ATP6AP1: variants seen among roughly 807,000 people sequenced by gnomAD.
The protein encoded by ATP6AP1 is ATPase H+ transporting accessory protein 1, also known as V-type proton ATPase subunit S1.
Under a neutral mutation model 32.0 loss-of-function variants are expected in ATP6AP1, and 1 was observed. The ratio of observed to expected loss-of-function variants is 0.03; its 90% CI spans 0.01 to 0.15. The LOEUF is 0.15. Among genes scored for constraint, ATP6AP1 ranks in the 10% least tolerant of loss-of-function variants. ATP6AP1 has a pLI of 1.00. For missense variants in ATP6AP1, 297 were observed against 398.8 expected, an observed-to-expected ratio of 0.74 and a Z score of 2.17; for synonymous variants, 187 against 174.9, an observed-to-expected ratio of 1.07 and a Z score of -0.55.
Position 154,428,756 on chromosome X carries a change from C to A in ATP6AP1, c.64C>A (p.Arg22Ser). Reference protein sequence around the residue: ...MGPRCAQALWRMPWLPVFLSL... With the variant: ...MGPRCAQALWSMPWLPVFLSL... ...GCCGCGGTGCGCCCAGGCGCTCTGG[C>A]GCATGCCGTGGCTGCCGGTGTTTTT... Residue 22 changes from arginine (R) to serine (S), a missense_variant, in exon 1 of 10, where the codon CGC becomes AGC. Around this residue, in one of 2 missense-constraint regions of ATP6AP1, gnomAD observed 142 missense variants for 145.0 expected, o/e 0.98. Transcript: ENST00000369762. 3 of 1,137,347 alleles carry A rather than the reference C, an allele frequency of 2.6e-6. No homozygotes were observed. The highest frequency in any genetic ancestry group is 3.5e-6 in the Non-Finnish European group (3 of 864,810). The allele number at this position is 1,137,347 out of a possible 1,213,427, so 93.7% of individuals were successfully genotyped here. A position where few individuals can be genotyped will look rare whatever the true frequency, so the allele number is the denominator to read the frequency against.
Position 154,429,054 on chromosome X carries a change from G to A in ATP6AP1, c.168G>A (p.Leu56=), listed in dbSNP as rs1557196356. 1 of 1,211,678 alleles carries A rather than the reference G, an allele frequency of 8.3e-7. No individual in the cohort carries two copies. Among genetic ancestry groups the A allele is most frequent in the South Asian group, 1.8e-5 (1 of 56,964 alleles). The change falls in exon 2 of 10, where the codon TTG becomes TTA. Residue 56 remains leucine (L), a synonymous_variant. Coordinates refer to ENST00000369762, the MANE Select transcript of ATP6AP1 (RefSeq NM_001183.6). ...PLVLWSSDRD[L]WAPAADTHEG... ...CTCTTCTGTGCCCTGCCAGGGACTT[G>A]TGGGCTCCTGCGGCCGACACTCATG...
Position 154,435,562 on chromosome X carries a change from G to C in ATP6AP1, c.1203+57G>C. ...GGGGAGCCCAGGCTAGTGGTTGAGA[G>C]ACGAAGAGAGGCTTGGGCTTGGGCA... On this transcript the variant is annotated intron_variant, in intron 9 of 9. Transcript: ENST00000369762. 2.5e-6 allele frequency: 3 copies of C among 1,185,276 alleles called. No individual in the cohort carries two copies. In the Admixed American group the frequency reaches 6.5e-5, roughly 26 times the overall value.
chrX:154,429,430 G>A (rs1557196445), intron 2 of ATP6AP1: 2 of 343,804 alleles, frequency 5.8e-6, no homozygotes, highest in Admixed American at 5.2e-5. Context: ...AAGCACTTTG[G>A]ATATCTGACT....
At chrX:154,433,765 C>CA in intron 6 of ATP6AP1, 45 bp downstream of exon 6, 1 of 1,162,523 alleles carries the variant, frequency 8.6e-7, no homozygotes, top group Admixed American at 2.2e-5. Context: ...CAGGGAGAGG[C>CA]AGTGTGGTGA....
rs1557196304 is a variant in ATP6AP1 at position 154,428,845 on chromosome X, G to T, written c.153G>T (p.Ser51=). 9.2e-7 allele frequency: 1 copy of T among 1,092,149 alleles called. No homozygotes were observed. The allele number at this position is 1,092,149 out of a possible 1,213,427, so 90.0% of individuals were successfully genotyped here. A position where few individuals can be genotyped will look rare whatever the true frequency, so the allele number is the denominator to read the frequency against. The change falls in exon 1 of 10, where the codon TCG becomes TCT. Residue 51 remains serine (S), a synonymous_variant. Transcript: ENST00000369762. ...AEQQVPLVLW[S]SDRDLWAPAA... ...AGCAGGTCCCGCTGGTGCTGTGGTC[G>T]AGTGACCGGTGAGCGGGCCGGGGTG...
chrX:154,432,891 G>A (rs982668225), intron 4 of ATP6AP1, 40 bp from the exon 5 acceptor site: 6 of 1,207,817 alleles, frequency 5.0e-6, no homozygotes, highest in Non-Finnish European at 6.7e-6. Context: ...TGCAGGTCCA[G>A]GCCGCCTGAG....
chrX:154,431,755 G>T lies in ATP6AP1; in HGVS notation c.289-75G>T, dbSNP rs2068694656. 5.9e-6 allele frequency: 6 copies of T among 1,019,979 alleles called. No individual in the cohort carries two copies. In the South Asian group the frequency reaches 1.2e-4, roughly 20 times the overall value. The allele number at this position is 1,019,979 out of a possible 1,213,427, so 84.1% of individuals were successfully genotyped here. On this transcript the variant is annotated intron_variant, in intron 2 of 9. Transcript: ENST00000369762. ...TTTGCTGGCCCTGAGAATGCACGGG[G>T]AAGGTGGCTGTCCCCTGCCTTGGCC...
chrX:154,429,048 G>A lies in ATP6AP1; in HGVS notation c.162G>A (p.Arg54=). 8.3e-7 allele frequency: 1 copy of A among 1,211,478 alleles called. No homozygotes were observed. The highest frequency in any genetic ancestry group is 1.1e-6 in the Non-Finnish European group (1 of 895,267). ...QVPLVLWSSD[R]DLWAPAADTH... ...CAGCACCTCTTCTGTGCCCTGCCAG[G>A]GACTTGTGGGCTCCTGCGGCCGACA... The change falls in exon 2 of 10, where the codon CGG becomes CGA. Residue 54 remains arginine (R), a splice_region_variant and synonymous_variant. Transcript: ENST00000369762.
rs1353891778 is a variant in ATP6AP1, at chrX:154,428,752, C to T, written c.60C>T (p.Leu20=). ...TGGGGCCGCGGTGCGCCCAGGCGCT[C>T]TGGCGCATGCCGTGGCTGCCGGTGT... ...VRMGPRCAQA[L]WRMPWLPVFL... is the part of the protein sequence containing the mutation. Residue 20 remains leucine, a synonymous_variant, in exon 1 of 10, where the codon CTC becomes CTT. Coordinates refer to ENST00000369762, the MANE Select transcript of ATP6AP1 (RefSeq NM_001183.6). The T allele has an allele frequency of 8.8e-6, 10 of 1,137,622 alleles. No homozygotes were observed. The African/African-American group carries it at 1.9e-4, about 22-fold the overall frequency. 93.8% of individuals were successfully genotyped at this position (1,137,622 alleles called of 1,213,427 possible).
At position 154,434,442 on chromosome X, in the gene ATP6AP1, G is replaced by T. The variant is rs370314083; in HGVS notation, c.919G>T (p.Ala307Ser). 1.7e-6 allele frequency: 2 copies of T among 1,206,748 alleles called. No individual in the cohort carries two copies. The highest frequency in any genetic ancestry group is 3.5e-5 in the African/African-American group (2 of 57,231). The change falls in exon 7 of 10, where the codon GCC becomes TCC. Residue 307 changes from alanine to serine, a missense_variant. Coordinates refer to ENST00000369762, the MANE Select transcript of ATP6AP1 (RefSeq NM_001183.6). ...LTGSFWNDSF[A>S]RLSLTYERLF... ...TGGCTCCTTCTGGAATGACTCCTTT[G>T]CCAGGCAAGGGCACTAGGCTGGGGA...
intron 1 of ATP6AP1, 39 bp from the exon 2 acceptor site, chrX:154,429,009 G>A (rs201156124): frequency 6.8e-5 from 81 of 1,199,430 alleles, no homozygotes; most frequent in Admixed American, 2.0e-4. Context: ...CAGTCCACAT[G>A]CGCCCCCGTC....
In ATP6AP1 at chrX:154,431,865, G is replaced by C; in HGVS notation, c.324G>C (p.Val108=). ...SIEDFTAYGG[V]FGNKQDSAFS... is the part of the protein sequence containing the mutation. ...AGGATTTCACAGCATATGGCGGTGT[G>C]TTTGGAAACAAGCAGGACAGCGCCT... The change falls in exon 3 of 10, where the codon GTG becomes GTC. Residue 108 remains valine, a synonymous_variant. Transcript: ENST00000369762. 2.5e-6 allele frequency: 3 copies of C among 1,211,875 alleles called. No homozygotes were observed. Among genetic ancestry groups the C allele is most frequent in the African/African-American group, 1.7e-5 (1 of 57,805 alleles).
At position 154,436,226 on chromosome X, in the gene ATP6AP1, T is replaced by G. The variant is rs947274861; in HGVS notation, c.*335T>G. The stretch of plus-strand genomic sequence containing the variant: ...TCCCTGGCTGTGGATAGTGCTTTTG[T>G]GTAGCAAATGCTCCCTCCTTAAGGT... On this transcript the variant is annotated 3_prime_UTR_variant, in exon 10 of 10. Transcript: ENST00000369762. The G allele has an allele frequency of 1.1e-4, 29 of 275,269 alleles. No homozygotes were observed. Among genetic ancestry groups the G allele is most frequent in the African/African-American group, 6.2e-4 (23 of 36,932 alleles). The allele number at this position is 275,269 out of a possible 1,213,427, so 22.7% of individuals were successfully genotyped here. A position where few individuals can be genotyped will look rare whatever the true frequency, so the allele number is the denominator to read the frequency against.
rs147480752 is a variant in ATP6AP1 at position 154,434,759 on chromosome X, G to A, written c.923+313G>A. Among the ~76,000 whole-genome samples the A allele has an allele frequency of 5.1e-3, 576 of 111,936 alleles. 5 individuals carry two copies. The highest frequency in any genetic ancestry group is 0.017 in the African/African-American group (521 of 30,777). On this transcript the variant is annotated intron_variant, in intron 7 of 9. Transcript: ENST00000369762. Reference sequence around the variant, plus strand: ...GCAAAACCTCTGGGACTTTGTGTGGGCAAATACCAGGCCAGCTATCTGAGC... The same window carrying A: ...GCAAAACCTCTGGGACTTTGTGTGGACAAATACCAGGCCAGCTATCTGAGC...
At position 154,428,731 on chromosome X, in the gene ATP6AP1, G is replaced by T; in HGVS notation, c.39G>T (p.Gly13=). 8.7e-7 allele frequency: 1 copy of T among 1,148,279 alleles called. No homozygotes were observed. The allele number at this position is 1,148,279 out of a possible 1,213,427, so 94.6% of individuals were successfully genotyped here. A position where few individuals can be genotyped will look rare whatever the true frequency, so the allele number is the denominator to read the frequency against. The change falls in exon 1 of 10, where the codon GGG becomes GGT. Residue 13 remains glycine, a synonymous_variant. Coordinates refer to ENST00000369762, the MANE Select transcript of ATP6AP1 (RefSeq NM_001183.6). Reference sequence around the variant, plus strand: ...TGGCGACGGCTCGAGTGCGGATGGGGCCGCGGTGCGCCCAGGCGCTCTGGC... The same window carrying T: ...TGGCGACGGCTCGAGTGCGGATGGGTCCGCGGTGCGCCCAGGCGCTCTGGC... ...AAMATARVRM[G]PRCAQALWRM...
intron 4 of ATP6AP1, 26 bp downstream of exon 4, chrX:154,432,485 A>G (rs1557196997): frequency 8.7e-7 from 1 of 1,150,366 alleles, no homozygotes. Context: ...CCCAGCCACC[A>G]GCCTCGGGGC....
chrX:154,432,205 G>T, intron 3 of ATP6AP1, 61 bp from the exon 4 acceptor site: 1 of 1,060,999 alleles, frequency 9.4e-7, no homozygotes, highest in East Asian at 3.1e-5. Flanking sequence ...GAGGTGTGGG[G>T]GGCTGGGCCA....
intron 7 of ATP6AP1, 76 bp from the exon 8 acceptor site, chrX:154,435,063 C>G (rs2068711793): frequency 9.1e-7 from 1 of 1,103,300 alleles, no homozygotes; most frequent in Non-Finnish European, 1.2e-6. Flanking sequence ...AGGAGCAGAG[C>G]TGAGGAACTT....
chrX:154,436,363 T>C lies in ATP6AP1; in HGVS notation c.*472T>C, dbSNP rs782757970. 35 of 118,686 alleles carry C rather than the reference T, an allele frequency of 2.9e-4. No individual in the cohort carries two copies. Among genetic ancestry groups the C allele is most frequent in the Non-Finnish European group, 5.2e-4 (30 of 57,862 alleles). The allele number at this position is 118,686 out of a possible 1,213,427, so 9.8% of individuals were successfully genotyped here. A position where few individuals can be genotyped will look rare whatever the true frequency, so the allele number is the denominator to read the frequency against. On this transcript the variant is annotated 3_prime_UTR_variant, in exon 10 of 10. Transcript: ENST00000369762. ...GTGCTAACAATAAGAAGTACACGGG[T>C]TTATTTCTGTGGCCTGAGAAGGAAG...
Sources: gnomAD v4.1 joint callset for allele counts (sites outside exome capture counted in the v4.1 genomes callset) on GRCh38, gnomAD v4.1.1 for gene constraint, gnomAD v4.1.1 regional missense constraint, MANE v1.5 for transcripts, NCBI Gene and HGNC (gene_info 2026-07-23, HGNC 2026-07-21) for gene names.